Variants in CECR2 observed in about 807,000 individuals in gnomAD.
The protein encoded by CECR2 is CECR2 histone acetyl-lysine reader.
Under a neutral mutation model 154.5 loss-of-function variants are expected in CECR2, and 30 were observed. The observed-to-expected ratio is 0.19, with a 90% CI of 0.15 to 0.26. CECR2 has a LOEUF of 0.26. Among genes scored for constraint, CECR2 ranks in the 10% least tolerant of loss-of-function variants. The pLI, the probability that CECR2 is intolerant of heterozygous loss-of-function variation, is 1.00. For synonymous variants in CECR2, 725 were observed against 683.7 expected, an observed-to-expected ratio of 1.06 and a Z score of -0.94; for missense variants, 1,743 against 1,829.3, an observed-to-expected ratio of 0.95 and a Z score of 0.86.
At chr22:17,533,868 C>T (rs1173962446) in intron 9 of CECR2, among the ~76,000 whole-genome samples, 3 of 151,678 alleles carry the variant, frequency 2.0e-5, no homozygotes, top group Non-Finnish European at 2.9e-5. Context: ...AGGCATGCAC[C>T]ACCACGCCTG....
At chr22:17,533,728 G>A (rs145128672) in intron 9 of CECR2, among the ~76,000 whole-genome samples, 3,312 of 151,598 alleles carry the variant, frequency 0.022, 125 homozygotes, top group African/African-American at 0.077. Context: ...TTGTTTGTTT[G>A]TTTTTGAGAT....
At chr22:17,395,351 T>C (rs891382104) in intron 1 of CECR2, among the ~76,000 whole-genome samples, 4 of 149,660 alleles carry the variant, frequency 2.7e-5, no homozygotes, top group Non-Finnish European at 4.4e-5. Flanking sequence ...ACATATTCTC[T>C]CTTTTTTTTT....
intron 1 of CECR2, among the ~76,000 whole-genome samples, chr22:17,370,290 C>T (rs1266452850): frequency 7.0e-6 from 1 of 142,704 alleles, no homozygotes; most frequent in East Asian, 2.1e-4. Context: ...CATTGAGGCG[C>T]GAGCCAGCTG....
At chr22:17,375,920 A>G (rs943007662) in intron 1 of CECR2, among the ~76,000 whole-genome samples, 3 of 151,058 alleles carry the variant, frequency 2.0e-5, no homozygotes, top group Non-Finnish European at 2.9e-5. Flanking sequence ...GCGCCATTGC[A>G]CTCCAGCCTG....
At chr22:17,540,909 G>C in intron 14 of CECR2, 109 bp downstream of exon 14, 1 of 1,192,096 alleles carries the variant, frequency 8.4e-7, no homozygotes, top group Non-Finnish European at 1.1e-6. Flanking sequence ...TGTATGTATG[G>C]AATCTTTTTC....
chr22:17,508,641 G>A (rs577442395), intron 7 of CECR2, among the ~76,000 whole-genome samples: 21 of 152,122 alleles, frequency 1.4e-4, no homozygotes, highest in Non-Finnish European at 2.8e-4. Flanking sequence ...ACATCGTCTA[G>A]GGTTGTAGTA....
chr22:17,400,675 G>A (rs2053878436), intron 1 of CECR2, among the ~76,000 whole-genome samples: 1 of 152,196 alleles, frequency 6.6e-6, no homozygotes, highest in South Asian at 2.1e-4. Flanking sequence ...GGTTTGTTCT[G>A]TAAATACCTT....
intron 1 of CECR2, among the ~76,000 whole-genome samples, chr22:17,361,672 G>A (rs2062978378): frequency 6.6e-6 from 1 of 151,824 alleles, no homozygotes; most frequent in African/African-American, 2.4e-5. Flanking sequence ...CCGGGGGCTG[G>A]GGGGAGGTTG....
Position 17,477,654 on chromosome 22 carries a change from C to G in CECR2, c.193C>G (p.Gln65Glu), listed in dbSNP as rs2055232173. 1 of 1,613,098 alleles carries G rather than the reference C, an allele frequency of 6.2e-7. No homozygotes were observed. The highest frequency in any genetic ancestry group is 8.5e-7 in the Non-Finnish European group (1 of 1,179,114). ...FISDLIACLL[Q>E]GCYQRRDITP... The stretch of plus-strand genomic sequence containing the variant: ...CAGTGACCTGATTGCCTGCCTGCTT[C>G]AGGGCTGCTATCAACGAAGAGATAT... The change falls in exon 2 of 19, where the codon CAG becomes GAG. Residue 65 changes from glutamine to glutamate, a missense_variant. Transcript: ENST00000262608.
chr22:17,545,374 CAAA>C (rs695493), intron 16 of CECR2, among the ~76,000 whole-genome samples: 13 of 46,432 alleles, frequency 2.8e-4, no homozygotes, highest in African/African-American at 9.0e-4. Flanking sequence ...GACTCCGTCT[CAAA>C]AAAAAAAAAA....
At chr22:17,446,779 A>T (rs2054672149) in intron 1 of CECR2, among the ~76,000 whole-genome samples, 2 of 152,112 alleles carry the variant, frequency 1.3e-5, no homozygotes, top group Non-Finnish European at 2.9e-5. Context: ...AAGATTTATT[A>T]TGAAGACCGA....
chr22:17,445,772 T>C (rs533424305), intron 1 of CECR2, among the ~76,000 whole-genome samples: 1 of 151,932 alleles, frequency 6.6e-6, no homozygotes, highest in South Asian at 2.1e-4. Context: ...TTTGTATTTT[T>C]AGTAGAGATG....
At chr22:17,460,688 C>A (rs2054924252) in intron 1 of CECR2, among the ~76,000 whole-genome samples, 1 of 152,132 alleles carries the variant, frequency 6.6e-6, no homozygotes, top group South Asian at 2.1e-4. Flanking sequence ...AGAGTCTCTG[C>A]CTCTAGCCAG....
intron 1 of CECR2, among the ~76,000 whole-genome samples, chr22:17,385,632 A>T (rs2063249108): frequency 6.6e-6 from 1 of 152,232 alleles, no homozygotes; most frequent in African/African-American, 2.4e-5. Context: ...TAATCATGAA[A>T]ATGTTTGAAA....
At chr22:17,402,425 A>G (rs2053908863) in intron 1 of CECR2, among the ~76,000 whole-genome samples, 1 of 152,226 alleles carries the variant, frequency 6.6e-6, no homozygotes, top group East Asian at 1.9e-4. Context: ...GATAATAAAT[A>G]TTTTACACCA....
At chr22:17,448,402 G>A (rs2054712531) in intron 1 of CECR2, among the ~76,000 whole-genome samples, 1 of 152,182 alleles carries the variant, frequency 6.6e-6, no homozygotes, top group African/African-American at 2.4e-5. Context: ...CGTATATGAT[G>A]CATGGAAAGA....
chr22:17,428,852 G>A (rs2054375209), intron 1 of CECR2, among the ~76,000 whole-genome samples: 1 of 135,914 alleles, frequency 7.4e-6, no homozygotes, highest in South Asian at 2.4e-4. Flanking sequence ...GAGTCATCTG[G>A]GAATGCTCAG....
At chr22:17,530,000 T>A (rs922927719) in intron 9 of CECR2, among the ~76,000 whole-genome samples, 2 of 152,186 alleles carry the variant, frequency 1.3e-5, no homozygotes, top group Non-Finnish European at 2.9e-5. Context: ...CGGATTTTAT[T>A]CTGCAGGTCC....
intron 1 of CECR2, among the ~76,000 whole-genome samples, chr22:17,459,941 G>A (rs939714573): frequency 2.5e-4 from 38 of 152,320 alleles, no homozygotes; most frequent in African/African-American, 8.9e-4. Context: ...ATTTATACCA[G>A]TAGCAGCTTA....
Sources: allele counts gnomAD v4.1 joint callset (sites outside exome capture counted in the v4.1 genomes callset), GRCh38; gene constraint gnomAD v4.1.1; transcripts MANE v1.5; gene names NCBI Gene and HGNC (gene_info 2026-07-23, HGNC 2026-07-21).